TOGARAM1: variants seen among roughly 807,000 people sequenced by gnomAD.
The protein encoded by TOGARAM1 is TOG array regulator of axonemal microtubules 1.
A neutral mutation model predicts 166.6 loss-of-function variants in TOGARAM1; 100 were observed. That is an observed-to-expected ratio of 0.60 (90% CI 0.51 to 0.71). The LOEUF is 0.71. Ranked by LOEUF, TOGARAM1 falls within the 30% of genes least tolerant of loss-of-function variation. TOGARAM1 has a pLI of 0.00. For missense variants in TOGARAM1, 2,029 were observed against 2,102.7 expected, an observed-to-expected ratio of 0.96 and a Z score of 0.69; for synonymous variants, 758 against 763.8, an observed-to-expected ratio of 0.99 and a Z score of 0.13.
At chr14:45,039,085 G>T (rs1442676468) in intron 11 of TOGARAM1, among the ~76,000 whole-genome samples, 4 of 152,102 alleles carry the variant, frequency 2.6e-5, no homozygotes, top group South Asian at 2.1e-4. Context: ...CCACAGGCAG[G>T]TCGTTTTGGT....
chr14:44,998,213 G>A (rs1032069591), intron 2 of TOGARAM1, among the ~76,000 whole-genome samples: 8 of 152,172 alleles, frequency 5.3e-5, no homozygotes, highest in African/African-American at 1.9e-4. Flanking sequence ...GTTTGTGGCA[G>A]TTTTGATTTT....
At position 45,004,027 on chromosome 14, in the gene TOGARAM1, C is replaced by T. The variant is rs772605871; in HGVS notation, c.2339-34C>T. 8.4e-6 allele frequency: 13 copies of T among 1,548,410 alleles called. 1 individual carries two copies. The South Asian group carries it at 1.4e-4, about 17-fold the overall frequency. ...GCTTTTAACTGTTAAACTGTGTATACATAAATAATATATTATCTTTTGTTT... is the reference window on the plus strand; with the variant it reads ...GCTTTTAACTGTTAAACTGTGTATATATAAATAATATATTATCTTTTGTTT... On this transcript the variant is annotated intron_variant, in intron 3 of 19. Coordinates refer to ENST00000361462, the MANE Select transcript of TOGARAM1 (RefSeq NM_001308120.2).
intron 11 of TOGARAM1, among the ~76,000 whole-genome samples, chr14:45,042,588 A>G (rs1881781713): frequency 6.6e-6 from 1 of 152,178 alleles, no homozygotes; most frequent in Non-Finnish European, 1.5e-5. Context: ...TAATTGTATA[A>G]GGTACACAAT....
chr14:45,007,411 T>G (rs1308992657), intron 5 of TOGARAM1: 2 of 152,026 alleles, frequency 1.3e-5, no homozygotes, highest in Non-Finnish European at 2.9e-5. Flanking sequence ...AAAAGACATT[T>G]TCCTACATAA....
chr14:45,047,478 C>G (rs919017685), intron 14 of TOGARAM1, among the ~76,000 whole-genome samples: 1 of 151,332 alleles, frequency 6.6e-6, no homozygotes, highest in African/African-American at 2.4e-5. Flanking sequence ...AGTGTGAAAA[C>G]TACACAAATT....
intron 18 of TOGARAM1, among the ~76,000 whole-genome samples, chr14:45,070,522 GTAAATT>G (rs1883332547): frequency 6.6e-6 from 1 of 152,126 alleles, no homozygotes; most frequent in Non-Finnish European, 1.5e-5. Flanking sequence ...ATACAATACT[GTAAATT>G]TATTTTTCTT....
At chr14:45,010,294 T>C (rs1475482879) in intron 6 of TOGARAM1, among the ~76,000 whole-genome samples, 1 of 152,230 alleles carries the variant, frequency 6.6e-6, no homozygotes, top group Non-Finnish European at 1.5e-5. Context: ...CAGCTTGTTT[T>C]GTACTTGGAA....
intron 1 of TOGARAM1, among the ~76,000 whole-genome samples, chr14:44,965,192 A>G (rs1049759261): frequency 1.3e-5 from 2 of 152,176 alleles, no homozygotes; most frequent in African/African-American, 4.8e-5. Flanking sequence ...ACTCCTAAAT[A>G]TCTCGGCATA....
At chr14:45,037,863 TAA>T (rs763216597) in intron 11 of TOGARAM1, among the ~76,000 whole-genome samples, 16 of 128,858 alleles carry the variant, frequency 1.2e-4, no homozygotes, top group East Asian at 2.2e-4. Flanking sequence ...CCATCTCTAC[TAA>T]AAAAAAAAAA....
chr14:45,021,916 A>G (rs1880537867), intron 7 of TOGARAM1, among the ~76,000 whole-genome samples: 1 of 152,066 alleles, frequency 6.6e-6, no homozygotes, highest in African/African-American at 2.4e-5. Flanking sequence ...TTGGTTAGGA[A>G]GGGCCGTCCA....
intron 17 of TOGARAM1, among the ~76,000 whole-genome samples, chr14:45,067,754 A>T (rs1041449527): frequency 2.6e-5 from 4 of 152,146 alleles, no homozygotes; most frequent in African/African-American, 9.6e-5. Context: ...CTTAACATGA[A>T]AAATAATAAA....
intron 16 of TOGARAM1, among the ~76,000 whole-genome samples, chr14:45,064,376 C>T (rs901444676): frequency 6.6e-6 from 1 of 152,074 alleles, no homozygotes; most frequent in African/African-American, 2.4e-5. Flanking sequence ...AGTAATCCTC[C>T]AGCCTCGGTC....
At chr14:44,997,719 A>G (rs1887493622) in intron 2 of TOGARAM1, among the ~76,000 whole-genome samples, 1 of 152,026 alleles carries the variant, frequency 6.6e-6, no homozygotes, top group South Asian at 2.1e-4. Context: ...TCATTTAGAA[A>G]GAGGTTGAGG....
chr14:44,994,811 C>A (rs548415158), intron 1 of TOGARAM1, among the ~76,000 whole-genome samples: 2 of 152,210 alleles, frequency 1.3e-5, no homozygotes, highest in East Asian at 3.9e-4. Flanking sequence ...TAATAAATAA[C>A]GTGTACCTGA....
At chr14:45,057,627 C>T (rs867431581) in intron 16 of TOGARAM1, among the ~76,000 whole-genome samples, 17 of 151,964 alleles carry the variant, frequency 1.1e-4, no homozygotes, top group African/African-American at 4.1e-4. Context: ...TGCTGTATCC[C>T]ACAGGTTTTG....
chr14:45,073,153 A>T, intron 19 of TOGARAM1, 143 bp from the exon 20 acceptor site: 1 of 740,192 alleles, frequency 1.4e-6, no homozygotes, highest in East Asian at 2.8e-5. Flanking sequence ...AAGGTTTCTT[A>T]CATTGCTTCT....
intron 14 of TOGARAM1, 114 bp downstream of exon 14, chr14:45,046,817 G>A (rs967736584): frequency 2.3e-6 from 2 of 875,044 alleles, no homozygotes; most frequent in South Asian, 5.8e-5. Flanking sequence ...TGGGGTCCCA[G>A]GGATTGGTGC....
chr14:44,978,763 GCA>G (rs1886355054), intron 1 of TOGARAM1, among the ~76,000 whole-genome samples: 1 of 151,378 alleles, frequency 6.6e-6, no homozygotes, highest in Non-Finnish European at 1.5e-5. Context: ...TAGTGTCACT[GCA>G]CACTAGCCTG....
intron 1 of TOGARAM1, among the ~76,000 whole-genome samples, chr14:44,975,625 T>C (rs1355597755): frequency 1.3e-5 from 2 of 151,882 alleles, no homozygotes; most frequent in African/African-American, 4.8e-5. Flanking sequence ...TGTCACCACT[T>C]CTGGCTAATT....
Sources: gnomAD v4.1 joint callset for allele counts (sites outside exome capture counted in the v4.1 genomes callset) on GRCh38, gnomAD v4.1.1 for gene constraint, MANE v1.5 for transcripts, NCBI Gene and HGNC (gene_info 2026-07-23, HGNC 2026-07-21) for gene names.